Variants in PDSS2 observed in about 807,000 individuals in gnomAD.
The protein encoded by PDSS2 is all trans-polyprenyl-diphosphate synthase PDSS2.
In PDSS2, 31 loss-of-function variants were observed where a neutral mutation model predicts 44.5. That is an observed-to-expected ratio of 0.70 (90% CI 0.52 to 0.94). PDSS2 has a LOEUF of 0.94. PDSS2 is among the 40% of genes least tolerant of loss of function. The pLI is 0.00. For synonymous variants in PDSS2, 157 were observed against 180.3 expected (o/e 0.87, Z 1.03); for missense variants, 452 against 482.2 (o/e 0.94, Z 0.59).
chr6:107,208,745 G>A (rs923509649), intron 6 of PDSS2, among the ~76,000 whole-genome samples: 5 of 151,688 alleles, frequency 3.3e-5, no homozygotes, highest in African/African-American at 1.2e-4. Flanking sequence ...ATTTTTAGCA[G>A]AGACAGCGTT....
At chr6:107,338,901 T>TA (rs1777992670) in intron 1 of PDSS2, among the ~76,000 whole-genome samples, 4 of 152,104 alleles carry the variant, frequency 2.6e-5, no homozygotes, top group African/African-American at 9.7e-5. Context: ...AATTTTTTTT[T>TA]TCTTTTAGAG....
intron 1 of PDSS2, among the ~76,000 whole-genome samples, chr6:107,458,251 C>A (rs1463523845): frequency 6.6e-6 from 1 of 150,938 alleles, no homozygotes; most frequent in Non-Finnish European, 1.5e-5. Context: ...TTTGGGAGGC[C>A]GAGGCGGGTG....
intron 7 of PDSS2, among the ~76,000 whole-genome samples, chr6:107,166,988 T>C (rs1771375265): frequency 6.6e-6 from 1 of 152,178 alleles, no homozygotes; most frequent in South Asian, 2.1e-4. Context: ...AATGCTGGCC[T>C]CATAAAATGA....
chr6:107,270,897 T>G (rs1011601254), intron 3 of PDSS2, among the ~76,000 whole-genome samples: 3 of 152,350 alleles, frequency 2.0e-5, no homozygotes, highest in African/African-American at 7.2e-5. Flanking sequence ...TTGAAATACC[T>G]GATGACACTG....
chr6:107,363,495 G>A (rs1047624135), intron 1 of PDSS2, among the ~76,000 whole-genome samples: 24 of 152,054 alleles, frequency 1.6e-4, no homozygotes, highest in African/African-American at 5.1e-4. Context: ...GGAGTTGTTC[G>A]TTCCATCCCG....
chr6:107,446,004 T>C (rs530622823), intron 1 of PDSS2, among the ~76,000 whole-genome samples: 7 of 152,134 alleles, frequency 4.6e-5, no homozygotes, highest in African/African-American at 7.2e-5. Flanking sequence ...TTGAAGTGCT[T>C]TTTTTAAGGC....
intron 1 of PDSS2, among the ~76,000 whole-genome samples, chr6:107,449,171 C>G (rs1177788584): frequency 2.0e-5 from 3 of 152,212 alleles, no homozygotes; most frequent in Admixed American, 2.0e-4. Context: ...CACATTGTCC[C>G]TGACTCCAGA....
At position 107,334,283 on chromosome 6, in the gene PDSS2, C is replaced by T. The variant is rs1777805479; in HGVS notation, c.346G>A (p.Val116Met). Residue 116 changes from valine (V) to methionine (M), a missense_variant, in exon 2 of 8, where the codon GTG becomes ATG. Physicochemically the swap from Val to Met is conservative, Grantham distance 21. Coordinates refer to ENST00000369037, the MANE Select transcript of PDSS2 (RefSeq NM_020381.4). ...WNSLQLRGLV[V>M]LLISKAAGPS... ...CCAGCTGCTTTAGAGATAAGGAGCACCACCAAGCCCCTCAACTGGAGGCTA... is the reference window on the plus strand; with the variant it reads ...CCAGCTGCTTTAGAGATAAGGAGCATCACCAAGCCCCTCAACTGGAGGCTA... 1 of 1,613,182 alleles carries T rather than the reference C, an allele frequency of 6.2e-7. No individual in the cohort carries two copies. The highest frequency in any genetic ancestry group is 1.3e-5 in the African/African-American group (1 of 74,848).
intron 3 of PDSS2, among the ~76,000 whole-genome samples, chr6:107,246,967 G>A (rs1774640470): frequency 1.3e-5 from 2 of 152,134 alleles, no homozygotes; most frequent in African/African-American, 4.8e-5. Context: ...ATCCTACAGT[G>A]TTACCACATG....
intron 1 of PDSS2, among the ~76,000 whole-genome samples, chr6:107,404,835 A>G (rs1354136815): frequency 6.6e-6 from 1 of 152,236 alleles, no homozygotes; most frequent in African/African-American, 2.4e-5. Flanking sequence ...GGGAGAGGAA[A>G]AAGAAAAAAG....
chr6:107,186,190 G>A (rs1289153444), intron 7 of PDSS2, among the ~76,000 whole-genome samples: 2 of 152,288 alleles, frequency 1.3e-5, no homozygotes, highest in Non-Finnish European at 1.5e-5. Context: ...TAGTTGTCAA[G>A]TGCTTTGATA....
chr6:107,176,429 T>TACACACACACACACACAC (rs71012784), intron 7 of PDSS2, among the ~76,000 whole-genome samples: 5 of 149,690 alleles, frequency 3.3e-5, no homozygotes, highest in African/African-American at 1.2e-4. Flanking sequence ...CACACACACA[T>TACACACACACACACACAC]ACACACACAC....
chr6:107,279,855 A>C (rs1775902907), intron 2 of PDSS2, among the ~76,000 whole-genome samples: 1 of 152,192 alleles, frequency 6.6e-6, no homozygotes, highest in Non-Finnish European at 1.5e-5. Context: ...CATATTTTGT[A>C]AGAGTACAAT....
At chr6:107,346,342 C>G (rs956279707) in intron 1 of PDSS2, among the ~76,000 whole-genome samples, 1 of 152,192 alleles carries the variant, frequency 6.6e-6, no homozygotes, top group Non-Finnish European at 1.5e-5. Context: ...GGTGCCATCT[C>G]ATCTAACCTG....
intron 1 of PDSS2, among the ~76,000 whole-genome samples, chr6:107,335,767 A>C (rs1777866648): frequency 6.6e-6 from 1 of 152,182 alleles, no homozygotes; most frequent in South Asian, 2.1e-4. Flanking sequence ...TATTGAGAAC[A>C]ATGCTCATGA....
intron 1 of PDSS2, among the ~76,000 whole-genome samples, chr6:107,382,834 C>G (rs1032028273): frequency 2.0e-5 from 3 of 151,920 alleles, no homozygotes; most frequent in African/African-American, 7.3e-5. Context: ...AAGACTCTGT[C>G]TCCAAAACAA....
intron 2 of PDSS2, among the ~76,000 whole-genome samples, chr6:107,286,131 C>CAAAAGAAAAA (rs765194490): frequency 6.4e-5 from 1 of 15,532 alleles, no homozygotes; most frequent in African/African-American, 2.2e-4. Context: ...AACTTCGTCG[C>CAAAAGAAAAA]AAAATAAAAA....
In PDSS2 at chr6:107,152,935, G is replaced by A. The variant is rs1398986266; in HGVS notation, c.*1684C>T. ...GACAGAAAGCATTTCAAACAGAACAGTGTTCTCTTAAGCTAAATCTATAGG... is the reference window on the plus strand; with the variant it reads ...GACAGAAAGCATTTCAAACAGAACAATGTTCTCTTAAGCTAAATCTATAGG... On this transcript the variant is annotated 3_prime_UTR_variant, in exon 8 of 8. Coordinates refer to ENST00000369037, the MANE Select transcript of PDSS2 (RefSeq NM_020381.4). The A allele has an allele frequency of 6.6e-6, 1 of 152,176 alleles. No homozygotes were observed. The highest frequency in any genetic ancestry group is 1.5e-5 in the Non-Finnish European group (1 of 68,034). 9.4% of individuals were successfully genotyped at this position (152,176 alleles called of 1,614,324 possible). A position where few individuals can be genotyped will look rare whatever the true frequency, so the allele number is the denominator to read the frequency against.
At chr6:107,348,336 G>A (rs1037037840) in intron 1 of PDSS2, among the ~76,000 whole-genome samples, 5 of 152,184 alleles carry the variant, frequency 3.3e-5, no homozygotes, top group African/African-American at 9.7e-5. Flanking sequence ...GAAAGAATCA[G>A]AATTCAAAAT....
Sources: gnomAD v4.1 joint callset for allele counts (sites outside exome capture counted in the v4.1 genomes callset) on GRCh38, gnomAD v4.1.1 for gene constraint, MANE v1.5 for transcripts, NCBI Gene and HGNC (gene_info 2026-07-23, HGNC 2026-07-21) for gene names.